Variants in JMY observed in about 807,000 individuals in gnomAD.
JMY encodes the protein junction-mediating and -regulatory protein.
Under a neutral mutation model 103.3 loss-of-function variants are expected in JMY, and 46 were observed. The ratio of observed to expected loss-of-function variants is 0.45; its 90% CI spans 0.35 to 0.57. JMY has a LOEUF of 0.57. Among genes scored for constraint, JMY ranks in the 20% least tolerant of loss-of-function variants. The probability of loss-of-function intolerance (pLI) is 0.00; values close to 1 mark genes in which losing one functional copy is unlikely to be tolerated. For missense variants in JMY, 1,238 were observed against 1,255.2 expected (o/e 0.99, Z 0.21); for synonymous variants, 526 against 489.3 (o/e 1.07, Z -0.99).
Position 79,300,239 on chromosome 5 carries a change from T to G in JMY, c.1614T>G (p.Tyr538Ter). The G allele has an allele frequency of 6.2e-7, 1 of 1,604,900 alleles. No individual in the cohort carries two copies. Among genetic ancestry groups the G allele is most frequent in the Non-Finnish European group, 8.5e-7 (1 of 1,176,684 alleles). Residue 538 changes from tyrosine to a stop codon, truncating the protein, a stop_gained, in exon 5 of 11, where the codon TAT becomes TAG. Coordinates refer to ENST00000396137, the MANE Select transcript of JMY (RefSeq NM_152405.5). LOFTEE classifies it high-confidence loss of function. ...ADYYDLQLQL[Y>*]EVQFEILKCE... ...ATTATGATCTGCAACTTCAGTTGTA[T>G]GAAGTACAGTTTGAAATCTTGAAGT...
At chr5:79,284,309 A>G in intron 2 of JMY, 1 of 1,448,978 alleles carries the variant, frequency 6.9e-7, no homozygotes, top group East Asian at 2.3e-5. Context: ...CATCATGGAG[A>G]GGATAGATTG....
chr5:79,281,379 T>A (rs1225034573), intron 2 of JMY, among the ~76,000 whole-genome samples: 20 of 91,856 alleles, frequency 2.2e-4, no homozygotes, highest in African/African-American at 7.2e-4. Flanking sequence ...TTTTTTTTTT[T>A]ACTTTTAAAA....
At chr5:79,264,037 T>A (rs1745505905) in intron 1 of JMY, among the ~76,000 whole-genome samples, 1 of 152,056 alleles carries the variant, frequency 6.6e-6, no homozygotes, top group Middle Eastern at 3.2e-3. Context: ...TCTGCCTGCC[T>A]CAGCCTCCCA....
chr5:79,264,535 G>A (rs554648953), intron 1 of JMY, among the ~76,000 whole-genome samples: 6 of 152,130 alleles, frequency 3.9e-5, no homozygotes, highest in East Asian at 1.9e-4. Context: ...GAGCCACTGC[G>A]CCTGGCATAA....
Position 79,300,427 on chromosome 5 carries a change from G to A in JMY, c.1693+109G>A, listed in dbSNP as rs78943714. 9.8e-4 allele frequency: 1,112 copies of A among 1,138,224 alleles called. 9 individuals carry two copies. In the African/African-American group the frequency reaches 0.016, roughly 16 times the overall value. The allele number at this position is 1,138,224 out of a possible 1,614,324, so 70.5% of individuals were successfully genotyped here. On this transcript the variant is annotated intron_variant, in intron 5 of 10. Transcript: ENST00000396137. ...TAAGACATTTAAAAAATTGTTTTCTGTAGGGATAGAGTGTGGGGGGGTGAT... is the reference window on the plus strand; with the variant it reads ...TAAGACATTTAAAAAATTGTTTTCTATAGGGATAGAGTGTGGGGGGGTGAT...
Position 79,255,316 on chromosome 5 carries a change from G to C in JMY, c.1032+17634G>C, listed in dbSNP as rs552979111. On this transcript the variant is annotated intron_variant, in intron 1 of 10. Coordinates refer to ENST00000396137, the MANE Select transcript of JMY (RefSeq NM_152405.5). ...TTCGCCATGTTGGCCAGGCTGGTCT[G>C]GAACTCCTGACCTCAATTGATCTGC... 2.5e-4 allele frequency among the ~76,000 whole-genome samples: 38 copies of C among 151,992 alleles called. No individual in the cohort carries two copies. The South Asian group carries it at 7.9e-3, about 32-fold the overall frequency.
In JMY at chr5:79,278,004, C is replaced by G; in HGVS notation, c.1127C>G (p.Thr376Arg). 6.2e-7 allele frequency: 1 copy of G among 1,614,072 alleles called. No individual in the cohort carries two copies. Among genetic ancestry groups the G allele is most frequent in the Non-Finnish European group, 8.5e-7 (1 of 1,179,956 alleles). Residue 376 changes from threonine to arginine, a missense_variant, in exon 2 of 11, where the codon ACA becomes AGA. Transcript: ENST00000396137. Reference protein sequence around the residue: ...DEAYSSLAEATTELYQYLLQP... With the variant: ...DEAYSSLAEARTELYQYLLQP... Reference sequence around the variant, plus strand: ...GCCTACAGCAGCCTTGCAGAAGCTACAACCGAACTCTATCAGTATTTACTA... The same window carrying G: ...GCCTACAGCAGCCTTGCAGAAGCTAGAACCGAACTCTATCAGTATTTACTA...
chr5:79,316,979 A>G (rs1165058073), intron 10 of JMY, among the ~76,000 whole-genome samples: 1 of 150,794 alleles, frequency 6.6e-6, no homozygotes, highest in African/African-American at 2.4e-5. Context: ...AGGTTGAGGC[A>G]TGAGGATCTC....
In JMY at chr5:79,307,799, C is replaced by T. The variant is rs547885381; in HGVS notation, c.1968+1338C>T. 1.4e-4 allele frequency among the ~76,000 whole-genome samples: 22 copies of T among 152,170 alleles called. No homozygotes were observed. The East Asian group carries it at 4.1e-3, about 28-fold the overall frequency. ...TGTCACCAAGGCTGGAGTGCAGTGG[C>T]GCGATCTCGGCTCACTGCAACGTCC... On this transcript the variant is annotated intron_variant, in intron 7 of 10. Transcript: ENST00000396137.
Position 79,236,303 on chromosome 5 carries a change from C to T in JMY, c.-348C>T, listed in dbSNP as rs570546584. 5.8e-5 allele frequency: 11 copies of T among 189,892 alleles called. No homozygotes were observed. In the East Asian group the frequency reaches 1.3e-3, roughly 22 times the overall value. 11.8% of individuals were successfully genotyped at this position (189,892 alleles called of 1,614,324 possible). On this transcript the variant is annotated 5_prime_UTR_variant, in exon 1 of 11. Coordinates refer to ENST00000396137, the MANE Select transcript of JMY (RefSeq NM_152405.5). ...CGGCCTGACCCCGCGGGACCCGCGC[C>T]TCACCACCGGAGCGCCGCAGACGCA...
intron 1 of JMY, among the ~76,000 whole-genome samples, chr5:79,239,983 A>G (rs765698961): frequency 2.0e-5 from 3 of 151,630 alleles, no homozygotes; most frequent in Non-Finnish European, 2.9e-5. Flanking sequence ...GACCATAATG[A>G]TTTATTTTCT....
Position 79,236,879 on chromosome 5 carries a change from G to T in JMY, c.229G>T (p.Gly77Trp). Residue 77 changes from glycine (G) to tryptophan (W), a missense_variant, in exon 1 of 11, where the codon GGG (glycine) becomes TGG (tryptophan). Physicochemically the swap from Gly to Trp is radical, Grantham distance 184 (BLOSUM62 -2). Coordinates refer to ENST00000396137, the MANE Select transcript of JMY (RefSeq NM_152405.5). ...CGAGGCCGGCGGAGCTGCGTCCGAC[G>T]GGAGCCGCGGGCCCGGCAGCCCGGC... ...GAEAGGAASD[G>W]SRGPGSPAGR... 1 of 1,387,592 alleles carries T rather than the reference G, an allele frequency of 7.2e-7. No individual in the cohort carries two copies. The highest frequency in any genetic ancestry group is 9.3e-7 in the Non-Finnish European group (1 of 1,072,796). The allele number at this position is 1,387,592 out of a possible 1,614,324, so 86.0% of individuals were successfully genotyped here.
chr5:79,267,241 T>C (rs1437217285), intron 1 of JMY, among the ~76,000 whole-genome samples: 1 of 152,224 alleles, frequency 6.6e-6, no homozygotes, highest in African/African-American at 2.4e-5. Context: ...TCCTTTTTTA[T>C]AAAATGTAGA....
At chr5:79,261,363 A>C (rs1745416382) in intron 1 of JMY, among the ~76,000 whole-genome samples, 1 of 152,004 alleles carries the variant, frequency 6.6e-6, no homozygotes, top group African/African-American at 2.4e-5. Context: ...ATCTTATGTA[A>C]AAGTGCCGTC....
chr5:79,282,221 A>G (rs1288586997), intron 2 of JMY, among the ~76,000 whole-genome samples: 1 of 152,142 alleles, frequency 6.6e-6, no homozygotes, highest in Non-Finnish European at 1.5e-5. Flanking sequence ...AATAAAAAAA[A>G]AATAAGAAAT....
At chr5:79,257,448 C>G (rs1745278409) in intron 1 of JMY, among the ~76,000 whole-genome samples, 1 of 152,068 alleles carries the variant, frequency 6.6e-6, no homozygotes, top group South Asian at 2.1e-4. Flanking sequence ...ACAAAAACTA[C>G]AAAAATTTGC....
chr5:79,274,103 A>G (rs1745865832), intron 1 of JMY, among the ~76,000 whole-genome samples: 1 of 151,360 alleles, frequency 6.6e-6, no homozygotes, highest in African/African-American at 2.4e-5. Context: ...TGCTGGGATT[A>G]CAGGAGTGAA....
At chr5:79,254,500 T>C (rs1277029131) in intron 1 of JMY, among the ~76,000 whole-genome samples, 1 of 152,246 alleles carries the variant, frequency 6.6e-6, no homozygotes, top group Non-Finnish European at 1.5e-5. Context: ...AGGCTTCTAC[T>C]GAAAAGTCTG....
intron 1 of JMY, among the ~76,000 whole-genome samples, chr5:79,238,533 G>C (rs1343092919): frequency 7.2e-5 from 11 of 152,036 alleles, no homozygotes; most frequent in Non-Finnish European, 2.9e-5. Context: ...TTTTAAAATA[G>C]ACCCAGTTTT....
Sources: allele counts gnomAD v4.1 joint callset (sites outside exome capture counted in the v4.1 genomes callset), GRCh38; gene constraint gnomAD v4.1.1; transcripts MANE v1.5; gene names NCBI Gene and HGNC (gene_info 2026-07-23, HGNC 2026-07-21).